Variants in NRXN1 observed in about 807,000 individuals in gnomAD.
NRXN1 encodes neurexin 1, also known as neurexin-1.
In NRXN1, 39 loss-of-function variants were observed where a neutral mutation model predicts 150.9. The observed-to-expected ratio is 0.26, with a 90% CI of 0.20 to 0.34. NRXN1 has a LOEUF of 0.34. NRXN1 is among the 10% of genes least tolerant of loss of function. The probability of loss-of-function intolerance (pLI) is 1.00; values close to 1 mark genes in which losing one functional copy is unlikely to be tolerated. For synonymous variants in NRXN1, 924 were observed against 757.0 expected, an observed-to-expected ratio of 1.22 and a Z score of -3.62; for missense variants, 1,815 against 1,949.9, an observed-to-expected ratio of 0.93 and a Z score of 1.30.
At chr2:50,166,272 T>A (rs1210638041) in intron 18 of NRXN1, among the ~76,000 whole-genome samples, 1 of 147,278 alleles carries the variant, frequency 6.8e-6, no homozygotes, top group African/African-American at 2.5e-5. Context: ...ATAGGAGTAC[T>A]CAACGTATGT....
chr2:51,024,572 A>T (rs1212786547), intron 2 of NRXN1, among the ~76,000 whole-genome samples: 2 of 152,186 alleles, frequency 1.3e-5, no homozygotes, highest in African/African-American at 4.8e-5. Context: ...GCTAGGCTCA[A>T]ACACAAAGCC....
chr2:50,953,547 C>G (rs1407128640), intron 2 of NRXN1, among the ~76,000 whole-genome samples: 5 of 150,754 alleles, frequency 3.3e-5, no homozygotes, highest in Non-Finnish European at 4.4e-5. Context: ...TTTCTATGTT[C>G]AAGTGACAAT....
intron 21 of NRXN1, among the ~76,000 whole-genome samples, chr2:50,026,668 T>C (rs1688328528): frequency 6.6e-6 from 1 of 152,066 alleles, no homozygotes; most frequent in Admixed American, 6.6e-5. Flanking sequence ...AAAAATTCTA[T>C]GCCTGAAGTT....
intron 5 of NRXN1, among the ~76,000 whole-genome samples, chr2:50,915,236 T>C (rs1685051418): frequency 6.6e-6 from 1 of 151,666 alleles, no homozygotes; most frequent in South Asian, 2.1e-4. Context: ...ACTTAGCTTT[T>C]CCTTGAAAAT....
At chr2:50,874,956 A>C (rs1326644497) in intron 5 of NRXN1, among the ~76,000 whole-genome samples, 1 of 151,856 alleles carries the variant, frequency 6.6e-6, no homozygotes, top group Non-Finnish European at 1.5e-5. Context: ...AACCACAATT[A>C]CAAAGTATGT....
intron 5 of NRXN1, among the ~76,000 whole-genome samples, chr2:50,697,041 A>G (rs956554375): frequency 4.6e-5 from 7 of 152,156 alleles, no homozygotes; most frequent in Non-Finnish European, 8.8e-5. Context: ...TGGGTCATAC[A>G]CAAACGTCCT....
intron 18 of NRXN1, among the ~76,000 whole-genome samples, chr2:50,200,784 G>A (rs931702065): frequency 3.3e-5 from 5 of 152,122 alleles, no homozygotes; most frequent in Non-Finnish European, 5.9e-5. Flanking sequence ...AGCAACTTTA[G>A]AACACTAAAT....
chr2:50,798,489 C>T (rs1367583241), intron 5 of NRXN1, among the ~76,000 whole-genome samples: 1 of 152,036 alleles, frequency 6.6e-6, no homozygotes, highest in African/African-American at 2.4e-5. Flanking sequence ...TCTGAACCAC[C>T]CATCATATTC....
rs530528915 is a variant in NRXN1, at chr2:51,006,983, ACACC to A, written c.772+20515_772+20518del. On this transcript the variant is annotated intron_variant, in intron 2 of 22. Coordinates refer to ENST00000401669, the MANE Select transcript of NRXN1 (RefSeq NM_001330078.2). The stretch of plus-strand genomic sequence containing the variant: ...GTCTATATTCACCTATAATCTATGA[ACACC>A]AATAGAGCAGTGACCTGCCTATCTG... 8.6e-3 allele frequency among the ~76,000 whole-genome samples: 1,305 copies of A among 152,012 alleles called. 22 individuals carry two copies. The highest frequency in any genetic ancestry group is 0.029 in the African/African-American group (1,219 of 41,516).
intron 5 of NRXN1, among the ~76,000 whole-genome samples, chr2:50,839,933 C>T (rs1162197050): frequency 6.6e-6 from 1 of 152,088 alleles, no homozygotes; most frequent in Non-Finnish European, 1.5e-5. Flanking sequence ...TGACATTTGA[C>T]ACTTGAGCAA....
chr2:50,185,786 T>C (rs903211554), intron 18 of NRXN1: 2 of 152,096 alleles, frequency 1.3e-5, no homozygotes, highest in Non-Finnish European at 2.9e-5. Flanking sequence ...AAATTTTGCA[T>C]TATTTCTTAC....
chr2:50,495,014 G>C (rs1382466268), intron 15 of NRXN1, among the ~76,000 whole-genome samples: 1 of 147,770 alleles, frequency 6.8e-6, no homozygotes, highest in Admixed American at 6.7e-5. Context: ...CTGGGTGACG[G>C]AGCAAGACTC....
At chr2:50,523,215 AAAC>A (rs2092846013) in intron 12 of NRXN1, among the ~76,000 whole-genome samples, 1 of 152,136 alleles carries the variant, frequency 6.6e-6, no homozygotes, top group Non-Finnish European at 1.5e-5. Flanking sequence ...ACTTTAAGTA[AAAC>A]AACACAGAAA....
At position 50,497,821 on chromosome 2, in the gene NRXN1, C is replaced by G. The variant is rs185171852; in HGVS notation, c.2498-107G>C. 1.7e-3 allele frequency: 1,692 copies of G among 996,040 alleles called. 5 individuals carry two copies. The highest frequency in any genetic ancestry group is 1.9e-3 in the Non-Finnish European group (1,313 of 675,488). The allele number at this position is 996,040 out of a possible 1,614,324, so 61.7% of individuals were successfully genotyped here. On this transcript the variant is annotated intron_variant, in intron 13 of 22. Transcript: ENST00000401669. ...CTAAAATACAAGGAGCCAAATCCCT[C>G]CTTGGTACTCAGTTGCATATAGGAA... is the stretch of plus-strand genomic sequence containing the variant.
chr2:50,485,242 C>T lies in NRXN1; in HGVS notation c.3070+10663G>A, dbSNP rs983139674. Among the ~76,000 whole-genome samples, 3 of 152,180 alleles carry T rather than the reference C, an allele frequency of 2.0e-5. No individual in the cohort carries two copies. The South Asian group carries it at 6.2e-4, about 32-fold the overall frequency. On this transcript the variant is annotated intron_variant, in intron 15 of 22. Coordinates refer to ENST00000401669, the MANE Select transcript of NRXN1 (RefSeq NM_001330078.2). ...TCAGACAATGTGAGAATGAGACAGA[C>T]ATCCAGATTCAAAATTTATCAAGGA...
chr2:50,231,950 G>GT (rs1186633685), intron 18 of NRXN1, among the ~76,000 whole-genome samples: 1 of 151,944 alleles, frequency 6.6e-6, no homozygotes, highest in Non-Finnish European at 1.5e-5. Context: ...TCAACACATC[G>GT]TAACTTAAAC....
At position 50,926,840 on chromosome 2, in the gene NRXN1, G is replaced by A. The variant is rs558199072; in HGVS notation, c.773-885C>T. ...TCCATGTGTGTACCTATGTATATAT[G>A]TATAAACATATATATCCAAGCAGAT... is the stretch of plus-strand genomic sequence containing the variant. On this transcript the variant is annotated intron_variant, in intron 2 of 22. Transcript: ENST00000401669. Among the ~76,000 whole-genome samples, 29 of 151,686 alleles carry A rather than the reference G, an allele frequency of 1.9e-4. 1 individual carries two copies. The South Asian group carries it at 5.8e-3, about 30-fold the overall frequency.
intron 8 of NRXN1, among the ~76,000 whole-genome samples, chr2:50,602,250 G>A (rs1171284142): frequency 1.3e-5 from 2 of 151,940 alleles, no homozygotes; most frequent in African/African-American, 4.8e-5. Flanking sequence ...GGGATATCAG[G>A]ACCAAAACAA....
intron 2 of NRXN1, among the ~76,000 whole-genome samples, chr2:51,006,477 G>T (rs563245573): frequency 6.6e-6 from 1 of 151,614 alleles, no homozygotes; most frequent in Non-Finnish European, 1.5e-5. Flanking sequence ...GCACACCAAC[G>T]TGGCACATGT....
Sources: gnomAD v4.1 joint callset for allele counts (sites outside exome capture counted in the v4.1 genomes callset) on GRCh38, gnomAD v4.1.1 for gene constraint, MANE v1.5 for transcripts, NCBI Gene and HGNC (gene_info 2026-07-23, HGNC 2026-07-21) for gene names.